TMPRSS12: variants seen among roughly 807,000 people sequenced by gnomAD.
The protein encoded by TMPRSS12 is transmembrane protease serine 12.
A neutral mutation model predicts 26.0 loss-of-function variants in TMPRSS12; 25 were observed. That is an observed-to-expected ratio of 0.96 (90% confidence interval 0.70 to 1.34). The LOEUF is 1.34. Ranked by LOEUF, TMPRSS12 falls within the 40% of genes most tolerant of loss-of-function variation. The probability of loss-of-function intolerance (pLI) is 0.00; values close to 1 mark genes in which losing one functional copy is unlikely to be tolerated. For missense variants in TMPRSS12, 441 were observed against 440.1 expected (o/e 1.00, Z -0.02); for synonymous variants, 150 against 161.7 (o/e 0.93, Z 0.55).
rs1937905404 is a variant in TMPRSS12, at chr12:50,858,766, A to G, written c.384-19A>G. On this transcript the variant is annotated intron_variant, in intron 2 of 4. Coordinates refer to ENST00000398458, the MANE Select transcript of TMPRSS12 (RefSeq NM_182559.3). Reference sequence around the variant, plus strand: ...GTTAATTAAAGATATTTATAATAAGAATGTTTACTTTCTTTCAGCGATCCT... The same window carrying G: ...GTTAATTAAAGATATTTATAATAAGGATGTTTACTTTCTTTCAGCGATCCT... 2 of 1,487,762 alleles carry G rather than the reference A, an allele frequency of 1.3e-6. No homozygotes were observed. The highest frequency in any genetic ancestry group is 4.8e-5 in the East Asian group (2 of 42,036). 92.2% of individuals were successfully genotyped at this position (1,487,762 alleles called of 1,614,324 possible). A position where few individuals can be genotyped will look rare whatever the true frequency, so the allele number is the denominator to read the frequency against.
In TMPRSS12 at chr12:50,880,966, C is replaced by CTTTT. The variant is rs869152225; in HGVS notation, c.653-4250_653-4247dup. On this transcript the variant is annotated intron_variant, in intron 3 of 4. Transcript: ENST00000398458. ...CTATAGAGACAGGAATCAGTAATTT[C>CTTTT]TTTTTTTTTTTTTTTTTTTTTTTTT... 4.3e-3 allele frequency among the ~76,000 whole-genome samples: 268 copies of CTTTT among 61,800 alleles called. 25 individuals are homozygous for CTTTT. Among genetic ancestry groups the CTTTT allele is most frequent in the Middle Eastern group, 0.016 (1 of 62 alleles). 40.5% of individuals were successfully genotyped at this position (61,800 alleles called of 152,430 possible).
chr12:50,877,192 C>T (rs995910998), intron 3 of TMPRSS12, among the ~76,000 whole-genome samples: 14 of 152,168 alleles, frequency 9.2e-5, no homozygotes, highest in African/African-American at 2.9e-4. Context: ...CTAGGTAACA[C>T]GTATCCCCTG....
chr12:50,882,527 C>G (rs891247921), intron 3 of TMPRSS12, among the ~76,000 whole-genome samples: 9 of 152,018 alleles, frequency 5.9e-5, no homozygotes, highest in African/African-American at 2.2e-4. Flanking sequence ...ACTGGTAAGA[C>G]TGGTGACAAA....
In TMPRSS12 at chr12:50,842,953, C is replaced by G; in HGVS notation, c.-12C>G. 6.4e-7 allele frequency: 1 copy of G among 1,571,404 alleles called. No homozygotes were observed. Among genetic ancestry groups the G allele is most frequent in the Non-Finnish European group, 8.7e-7 (1 of 1,155,862 alleles). On this transcript the variant is annotated 5_prime_UTR_variant, in exon 1 of 5. Coordinates refer to ENST00000398458, the MANE Select transcript of TMPRSS12 (RefSeq NM_182559.3). Reference sequence around the variant, plus strand: ...GAAGTACCTGCCGCCATCTTGCTCACCAGCCTCCAAAATGCGGCTGGGGCT... The same window carrying G: ...GAAGTACCTGCCGCCATCTTGCTCAGCAGCCTCCAAAATGCGGCTGGGGCT...
At chr12:50,866,483 C>G (rs1418279431) in intron 3 of TMPRSS12, among the ~76,000 whole-genome samples, 2 of 152,088 alleles carry the variant, frequency 1.3e-5, no homozygotes, top group East Asian at 3.9e-4. Context: ...AAGACCCACC[C>G]AAGGAGAGTC....
chr12:50,844,063 T>G, intron 2 of TMPRSS12, 26 bp downstream of exon 2: 1 of 1,486,860 alleles, frequency 6.7e-7, no homozygotes, highest in South Asian at 1.4e-5. Flanking sequence ...ACAACTATTT[T>G]TATGCTCTTA....
intron 2 of TMPRSS12, among the ~76,000 whole-genome samples, chr12:50,847,353 G>A (rs944227954): frequency 6.6e-5 from 10 of 151,996 alleles, no homozygotes; most frequent in Admixed American, 5.9e-4. Context: ...CACTGTGCCC[G>A]GCCCCTAAAA....
At chr12:50,866,992 C>T (rs1404837787) in intron 3 of TMPRSS12, among the ~76,000 whole-genome samples, 1 of 152,186 alleles carries the variant, frequency 6.6e-6, no homozygotes, top group African/African-American at 2.4e-5. Context: ...CAGCCTTCAG[C>T]CCTAGACTTT....
intron 3 of TMPRSS12, among the ~76,000 whole-genome samples, chr12:50,872,460 C>A (rs1170889793): frequency 2.2e-5 from 3 of 136,746 alleles, no homozygotes; most frequent in African/African-American, 8.4e-5. Flanking sequence ...TTGCAGTGAG[C>A]CGAGATTGCG....
intron 2 of TMPRSS12, among the ~76,000 whole-genome samples, chr12:50,857,394 C>T (rs962304021): frequency 6.6e-6 from 1 of 152,082 alleles, no homozygotes; most frequent in South Asian, 2.1e-4. Context: ...GCCAAATTGC[C>T]CATCTATTTA....
chr12:50,880,982 T>C (rs1317569158), intron 3 of TMPRSS12, among the ~76,000 whole-genome samples: 1 of 130,194 alleles, frequency 7.7e-6, no homozygotes, highest in Non-Finnish European at 1.6e-5. Context: ...TTTTTTTTTT[T>C]TTTTTTTTTT....
Position 50,887,290 on chromosome 12 carries a change from A to C in TMPRSS12, c.824A>C (p.Tyr275Ser). ...GACAGTGGGGGACCATTAATGTGCT[A>C]CTTACCAGAATATAAAAGATTTTTT... Reference protein sequence around the residue: ...RGDSGGPLMCYLPEYKRFFVM... With the variant: ...RGDSGGPLMCSLPEYKRFFVM... Residue 275 changes from tyrosine to serine, a missense_variant, in exon 5 of 5, where the codon TAC becomes TCC. Tyr to Ser is a moderately radical substitution (Grantham distance 144, BLOSUM62 -2). Coordinates refer to ENST00000398458, the MANE Select transcript of TMPRSS12 (RefSeq NM_182559.3). 2 of 1,613,884 alleles carry C rather than the reference A, an allele frequency of 1.2e-6. No homozygotes were observed. Among genetic ancestry groups the C allele is most frequent in the Non-Finnish European group, 1.7e-6 (2 of 1,179,852 alleles).
intron 4 of TMPRSS12, chr12:50,885,824 C>CTTTTTTTT (rs398019534): frequency 5.4e-6 from 1 of 186,310 alleles, no homozygotes; most frequent in Non-Finnish European, 1.1e-5. Context: ...CCCGGCCATT[C>CTTTTTTTT]TTTTTTTTTT....
At chr12:50,852,676 A>C (rs1373400446) in intron 2 of TMPRSS12, among the ~76,000 whole-genome samples, 2 of 152,224 alleles carry the variant, frequency 1.3e-5, no homozygotes, top group Non-Finnish European at 2.9e-5. Flanking sequence ...AAGTACCGGA[A>C]TTACAGGCAT....
At chr12:50,860,259 TA>T (rs2139725921) in intron 3 of TMPRSS12, among the ~76,000 whole-genome samples, 2 of 152,332 alleles carry the variant, frequency 1.3e-5, no homozygotes, top group Admixed American at 1.3e-4. Context: ...GATTGCGATA[TA>T]TTTTTTTAGT....
At chr12:50,854,376 G>A (rs943675078) in intron 2 of TMPRSS12, among the ~76,000 whole-genome samples, 2 of 152,076 alleles carry the variant, frequency 1.3e-5, no homozygotes, top group Non-Finnish European at 2.9e-5. Context: ...GCAAAAGCTG[G>A]AAATGCCCTT....
At chr12:50,876,837 A>C (rs1377446684) in intron 3 of TMPRSS12, among the ~76,000 whole-genome samples, 1 of 151,536 alleles carries the variant, frequency 6.6e-6, no homozygotes, top group Non-Finnish European at 1.5e-5. Flanking sequence ...TGGATAAAGA[A>C]AGTGTGGTAC....
At chr12:50,873,245 C>G (rs1938084105) in intron 3 of TMPRSS12, among the ~76,000 whole-genome samples, 1 of 151,950 alleles carries the variant, frequency 6.6e-6, no homozygotes, top group African/African-American at 2.4e-5. Flanking sequence ...GTGTATACTT[C>G]TCAGGTGATG....
In TMPRSS12 at chr12:50,842,976, G is replaced by A; in HGVS notation, c.12G>A (p.Gly4=). 2.5e-6 allele frequency: 4 copies of A among 1,589,574 alleles called. No homozygotes were observed. Among genetic ancestry groups the A allele is most frequent in the Non-Finnish European group, 3.4e-6 (4 of 1,167,172 alleles). Residue 4 remains glycine (G), a synonymous_variant, in exon 1 of 5, where the codon GGG becomes GGA. Coordinates refer to ENST00000398458, the MANE Select transcript of TMPRSS12 (RefSeq NM_182559.3). Reference sequence around the variant, plus strand: ...CACCAGCCTCCAAAATGCGGCTGGGGCTCCTGAGCGTGGCGCTGTTGTTTG... The same window carrying A: ...CACCAGCCTCCAAAATGCGGCTGGGACTCCTGAGCGTGGCGCTGTTGTTTG... MRL[G]LLSVALLFVG...
Sources: allele counts gnomAD v4.1 joint callset (sites outside exome capture counted in the v4.1 genomes callset), GRCh38; gene constraint gnomAD v4.1.1; transcripts MANE v1.5; gene names NCBI Gene and HGNC (gene_info 2026-07-23, HGNC 2026-07-21).